The following TMEM38B variants were observed in gnomAD, a reference collection of about 807,000 sequenced individuals.
TMEM38B encodes trimeric intracellular cation channel type B.
TMEM38B carries 24 observed loss-of-function variants against 28.7 expected under a neutral mutation model. The observed-to-expected ratio is 0.84, with a 90% CI of 0.61 to 1.18. The LOEUF (loss-of-function observed/expected upper bound fraction) is 1.18. Ranked by LOEUF, TMEM38B falls within the 50% of genes most tolerant of loss-of-function variation. The pLI, the probability that TMEM38B is intolerant of heterozygous loss-of-function variation, is 0.00. For missense variants in TMEM38B, 380 were observed against 350.9 expected (o/e 1.08, Z -0.66); for synonymous variants, 131 against 127.7 (o/e 1.03, Z -0.17).
At position 105,774,287 on chromosome 9, in the gene TMEM38B, T is replaced by G. The variant is rs1826659018; in HGVS notation, c.*207T>G. 1 of 483,400 alleles carries G rather than the reference T, an allele frequency of 2.1e-6. No homozygotes were observed. Among genetic ancestry groups the G allele is most frequent in the South Asian group, 3.6e-5 (1 of 27,896 alleles). 29.9% of individuals were successfully genotyped at this position (483,400 alleles called of 1,614,324 possible). A position where few individuals can be genotyped will look rare whatever the true frequency, so the allele number is the denominator to read the frequency against. ...TTACGAGTGTATCATGTGATTATGC[T>G]TTACCGGTATAAGAGATTCTGTTGT... On this transcript the variant is annotated 3_prime_UTR_variant, in exon 6 of 6. Coordinates refer to ENST00000374692, the MANE Select transcript of TMEM38B (RefSeq NM_018112.3).
intron 5 of TMEM38B, among the ~76,000 whole-genome samples, chr9:105,752,586 G>T (rs1056057313): frequency 6.6e-6 from 1 of 152,150 alleles, no homozygotes; most frequent in Non-Finnish European, 1.5e-5. Flanking sequence ...CAACCCTGTG[G>T]TAGACTGGCC....
chr9:105,763,930 C>T (rs1300243564), intron 5 of TMEM38B, among the ~76,000 whole-genome samples: 73 of 150,724 alleles, frequency 4.8e-4, no homozygotes, highest in East Asian at 1.7e-3. Flanking sequence ...GTTCAATATA[C>T]GCAAATCAAT....
intron 5 of TMEM38B, chr9:105,759,660 A>G: frequency 1.2e-6 from 2 of 1,601,176 alleles, no homozygotes; most frequent in Non-Finnish European, 1.7e-6. Flanking sequence ...TTCCAAACAT[A>G]GAAGGACAAA....
At chr9:105,754,524 G>T (rs955391616) in intron 5 of TMEM38B, among the ~76,000 whole-genome samples, 1 of 152,172 alleles carries the variant, frequency 6.6e-6, no homozygotes, top group Non-Finnish European at 1.5e-5. Flanking sequence ...GCTCCTGAAC[G>T]ACTCTTGGGT....
At chr9:105,758,162 C>T in intron 5 of TMEM38B, 3 of 618,708 alleles carry the variant, frequency 4.8e-6, no homozygotes, top group Non-Finnish European at 8.8e-6. Context: ...ACTGACAGAC[C>T]TATGGAGAGT....
At chr9:105,747,493 G>T (rs922741243) in intron 4 of TMEM38B, among the ~76,000 whole-genome samples, 1 of 152,092 alleles carries the variant, frequency 6.6e-6, no homozygotes, top group Non-Finnish European at 1.5e-5. Flanking sequence ...CTTGCTAGCG[G>T]TCTATCAATT....
At chr9:105,723,326 A>G (rs1836389546) in intron 4 of TMEM38B, among the ~76,000 whole-genome samples, 1 of 152,042 alleles carries the variant, frequency 6.6e-6, no homozygotes, top group Non-Finnish European at 1.5e-5. Flanking sequence ...GGCTCAAGTA[A>G]TCCTCCCACT....
intron 1 of TMEM38B, among the ~76,000 whole-genome samples, chr9:105,697,560 A>G (rs1835331265): frequency 6.6e-6 from 1 of 152,082 alleles, no homozygotes; most frequent in African/African-American, 2.4e-5. Flanking sequence ...TTTGTATTTC[A>G]TGTAAATTGC....
chr9:105,770,911 TATTC>T (rs1826523776), intron 5 of TMEM38B, among the ~76,000 whole-genome samples: 1 of 152,232 alleles, frequency 6.6e-6, no homozygotes, highest in Non-Finnish European at 1.5e-5. Flanking sequence ...ATGTTATATT[TATTC>T]ATTCAGTGTA....
intron 1 of TMEM38B, chr9:105,701,530 C>G (rs572015708): frequency 1.3e-5 from 2 of 152,188 alleles, no homozygotes; most frequent in South Asian, 4.1e-4. Flanking sequence ...TTGATTTGAC[C>G]CCGTAAAAAT....
At chr9:105,717,192 C>T (rs1177206327) in intron 2 of TMEM38B, among the ~76,000 whole-genome samples, 2 of 152,154 alleles carry the variant, frequency 1.3e-5, no homozygotes, top group Non-Finnish European at 2.9e-5. Context: ...GGTCTCCTCC[C>T]ATTCCATCTC....
At chr9:105,720,751 A>G (rs533367472) in intron 2 of TMEM38B, among the ~76,000 whole-genome samples, 1 of 152,260 alleles carries the variant, frequency 6.6e-6, no homozygotes, top group Admixed American at 6.5e-5. Context: ...GATATGTTCT[A>G]CTTTAAGCAC....
At chr9:105,737,344 T>G (rs1837020719) in intron 4 of TMEM38B, among the ~76,000 whole-genome samples, 1 of 135,760 alleles carries the variant, frequency 7.4e-6, no homozygotes, top group East Asian at 2.6e-4. Flanking sequence ...TCGCAGGGAG[T>G]AAGAGTCCCA....
chr9:105,746,896 G>T (rs1210048136), intron 4 of TMEM38B, among the ~76,000 whole-genome samples: 2 of 152,080 alleles, frequency 1.3e-5, no homozygotes, highest in African/African-American at 2.4e-5. Context: ...TTGCGTTTGT[G>T]GAACCAGCCT....
chr9:105,759,193 T>C, intron 5 of TMEM38B: 2 of 733,876 alleles, frequency 2.7e-6, no homozygotes, highest in Non-Finnish European at 5.0e-6. Flanking sequence ...CTTGAACCTC[T>C]CCTTACTTTT....
At chr9:105,725,256 A>G (rs985909068) in intron 4 of TMEM38B, among the ~76,000 whole-genome samples, 6 of 151,620 alleles carry the variant, frequency 4.0e-5, no homozygotes, top group African/African-American at 1.5e-4. Flanking sequence ...CTTAATCATT[A>G]TGTTTATTCT....
At chr9:105,705,495 T>A (rs1835623059) in intron 1 of TMEM38B, 102 bp from the exon 2 acceptor site, 2 of 1,159,586 alleles carry the variant, frequency 1.7e-6, no homozygotes, top group South Asian at 3.7e-5. Flanking sequence ...TTGTTGAAAA[T>A]TATGAATTTA....
At chr9:105,766,453 G>T (rs1826373220) in intron 5 of TMEM38B, among the ~76,000 whole-genome samples, 1 of 152,072 alleles carries the variant, frequency 6.6e-6, no homozygotes, top group African/African-American at 2.4e-5. Context: ...ATTAAAAATT[G>T]TATTATTATT....
chr9:105,754,564 A>T (rs780523891), intron 5 of TMEM38B, among the ~76,000 whole-genome samples: 5 of 152,238 alleles, frequency 3.3e-5, no homozygotes, highest in Non-Finnish European at 5.9e-5. Context: ...GAAATCAAGA[A>T]GTTGTTTGAA....
Sources: allele counts gnomAD v4.1 joint callset (sites outside exome capture counted in the v4.1 genomes callset), GRCh38; gene constraint gnomAD v4.1.1; transcripts MANE v1.5; gene names NCBI Gene and HGNC (gene_info 2026-07-23, HGNC 2026-07-21).